Variants in PARD3B observed in about 807,000 individuals in gnomAD.
PARD3B encodes the protein par-3 family cell polarity regulator beta.
A neutral mutation model predicts 130.2 loss-of-function variants in PARD3B; 103 were observed. The observed-to-expected ratio is 0.79, with a 90% CI of 0.67 to 0.93. The LOEUF is 0.93. Ranked by LOEUF, PARD3B falls within the 40% of genes least tolerant of loss-of-function variation. The pLI, the probability that PARD3B is intolerant of heterozygous loss-of-function variation, is 0.00. For missense variants in PARD3B, 1,609 were observed against 1,499.2 expected (o/e 1.07, Z -1.21); for synonymous variants, 583 against 553.2 (o/e 1.05, Z -0.76).
chr2:204,553,096 A>G (rs1484980804), intron 1 of PARD3B, among the ~76,000 whole-genome samples: 2 of 152,220 alleles, frequency 1.3e-5, no homozygotes, highest in Admixed American at 6.5e-5. Flanking sequence ...AAGAGGGCCA[A>G]GGACATGAAT....
chr2:205,313,107 T>C (rs1411565107), intron 18 of PARD3B, among the ~76,000 whole-genome samples: 1 of 152,188 alleles, frequency 6.6e-6, no homozygotes, highest in Admixed American at 6.5e-5. Context: ...GGGCAAGTGA[T>C]ATAAAATGAT....
At chr2:205,062,561 A>C (rs1452955954) in intron 4 of PARD3B, among the ~76,000 whole-genome samples, 3 of 152,172 alleles carry the variant, frequency 2.0e-5, no homozygotes. Flanking sequence ...AAGTGCACTG[A>C]GGATGGAGAA....
intron 3 of PARD3B, among the ~76,000 whole-genome samples, chr2:205,028,922 C>A (rs1159794697): frequency 2.6e-5 from 4 of 152,082 alleles, no homozygotes; most frequent in Non-Finnish European, 5.9e-5. Flanking sequence ...AAAACAATTC[C>A]ATTTACAATA....
intron 2 of PARD3B, among the ~76,000 whole-genome samples, chr2:204,952,727 G>C (rs567220150): frequency 2.6e-5 from 4 of 152,178 alleles, no homozygotes; most frequent in Non-Finnish European, 5.9e-5. Flanking sequence ...GGTCAGGCGC[G>C]GTGGCTCACG....
Position 205,329,361 on chromosome 2 carries a change from T to G in PARD3B, c.2630+27660T>G, listed in dbSNP as rs1328225300. ...GCTCCTATTCAAGAGAGAACAGTTT[T>G]GGGGCAATATTCACCCACTCCTAAG... On this transcript the variant is annotated intron_variant, in intron 18 of 22. Transcript: ENST00000406610. Among the ~76,000 whole-genome samples the G allele has an allele frequency of 3.9e-5, 6 of 152,228 alleles. No individual in the cohort carries two copies. In the East Asian group the frequency reaches 1.2e-3, roughly 29 times the overall value.
intron 5 of PARD3B, among the ~76,000 whole-genome samples, chr2:205,106,525 GTGTGTA>G (rs1231962710): frequency 4.3e-5 from 5 of 116,460 alleles, no homozygotes; most frequent in African/African-American, 1.6e-4. Context: ...GTGTGTGTGT[GTGTGTA>G]TATTTGATTA....
At chr2:205,310,151 C>A (rs2042327735) in intron 18 of PARD3B, among the ~76,000 whole-genome samples, 1 of 141,470 alleles carries the variant, frequency 7.1e-6, no homozygotes, top group Non-Finnish European at 1.5e-5. Flanking sequence ...GTGGCGCGAT[C>A]TTGGCTCATT....
At chr2:205,141,460 AT>A (rs2032945119) in intron 10 of PARD3B, among the ~76,000 whole-genome samples, 1 of 152,130 alleles carries the variant, frequency 6.6e-6, no homozygotes, top group African/African-American at 2.4e-5. Context: ...TTTTGGTTTA[AT>A]TTGAACAGGG....
At chr2:205,499,798 C>T (rs1204545767) in intron 20 of PARD3B, 98 bp from the exon 21 acceptor site, 1 of 1,275,536 alleles carries the variant, frequency 7.8e-7, no homozygotes, top group Non-Finnish European at 1.1e-6. Flanking sequence ...ATTGAATCTT[C>T]CAAATTTAGA....
At chr2:205,035,286 G>T (rs1697736438) in intron 3 of PARD3B, among the ~76,000 whole-genome samples, 1 of 152,084 alleles carries the variant, frequency 6.6e-6, no homozygotes. Flanking sequence ...AATAACATTT[G>T]GGACATATAA....
intron 18 of PARD3B, among the ~76,000 whole-genome samples, chr2:205,319,048 C>T (rs562947667): frequency 3.4e-4 from 52 of 152,270 alleles, no homozygotes; most frequent in African/African-American, 1.1e-3. Context: ...CATATATGGC[C>T]TCATTTTCAG....
intron 2 of PARD3B, among the ~76,000 whole-genome samples, chr2:204,711,575 T>C (rs1229959923): frequency 6.6e-6 from 1 of 152,120 alleles, no homozygotes; most frequent in East Asian, 1.9e-4. Flanking sequence ...AGACAGAGTC[T>C]TGCTCTGTCA....
At chr2:205,346,480 G>T (rs2043794892) in intron 18 of PARD3B, among the ~76,000 whole-genome samples, 1 of 152,118 alleles carries the variant, frequency 6.6e-6, no homozygotes, top group Non-Finnish European at 1.5e-5. Context: ...TCAAAATTGG[G>T]ACAATCAAAG....
intron 1 of PARD3B, among the ~76,000 whole-genome samples, chr2:204,569,472 A>G (rs913231113): frequency 2.6e-5 from 4 of 152,232 alleles, no homozygotes; most frequent in African/African-American, 7.2e-5. Context: ...CAAATAGGTG[A>G]CAGATATCCA....
chr2:204,553,427 A>G (rs781521306), intron 1 of PARD3B, among the ~76,000 whole-genome samples: 29 of 151,570 alleles, frequency 1.9e-4, no homozygotes, highest in Non-Finnish European at 3.7e-4. Flanking sequence ...ATAAGTCATT[A>G]TATGAAAAAG....
intron 3 of PARD3B, among the ~76,000 whole-genome samples, chr2:205,032,659 G>A (rs570731633): frequency 6.6e-6 from 1 of 152,254 alleles, no homozygotes; most frequent in South Asian, 2.1e-4. Context: ...GTGTTATTAA[G>A]CAGAAACAGA....
rs150053576 is a variant in PARD3B at position 204,786,916 on chromosome 2, G to T, written c.222+100634G>T. Among the ~76,000 whole-genome samples the T allele has an allele frequency of 3.4e-3, 520 of 152,002 alleles. 7 individuals are homozygous for T. Among genetic ancestry groups the T allele is most frequent in the African/African-American group, 0.012 (503 of 41,436 alleles). ...CAATAAAACTAAAAAGCATTTGCCA[G>T]TCGTACACTCTGGAATAATCGTGAC... is the stretch of plus-strand genomic sequence containing the variant. On this transcript the variant is annotated intron_variant, in intron 2 of 22. Coordinates refer to ENST00000406610, the MANE Select transcript of PARD3B (RefSeq NM_001302769.2).
chr2:204,915,598 A>G (rs2047413194), intron 2 of PARD3B, among the ~76,000 whole-genome samples: 1 of 152,154 alleles, frequency 6.6e-6, no homozygotes, highest in Non-Finnish European at 1.5e-5. Context: ...AACTACTTTC[A>G]CCATGGAAAA....
Position 205,158,833 on chromosome 2 carries a change from A to G in PARD3B, c.1546A>G (p.Asn516Asp), listed in dbSNP as rs779394765. The change falls in exon 11 of 23, where the codon AAC (asparagine) becomes GAC (aspartate). Residue 516 changes from asparagine (N) to aspartate (D), a missense_variant. By Grantham distance (23) the Asn-to-Asp change is conservative (BLOSUM62 1). Coordinates refer to ENST00000406610, the MANE Select transcript of PARD3B (RefSeq NM_001302769.2). The surrounding 1 kb of genome is among the most constrained non-coding windows in gnomAD (Gnocchi z 5.4). Reference protein sequence around the residue: ...SAGLGVSLKGNKSRETGTDLG... With the variant: ...SAGLGVSLKGDKSRETGTDLG... The stretch of plus-strand genomic sequence containing the variant: ...TGGCCTCGGGGTGAGCTTAAAAGGG[A>G]ACAAATCCAGAGAAACTGGAACAGA... 1 of 1,614,158 alleles carries G rather than the reference A, an allele frequency of 6.2e-7. No individual in the cohort carries two copies. Among genetic ancestry groups the G allele is most frequent in the East Asian group, 2.2e-5 (1 of 44,886 alleles).
Sources: allele counts gnomAD v4.1 joint callset (sites outside exome capture counted in the v4.1 genomes callset), GRCh38; gene constraint gnomAD v4.1.1; non-coding constraint Gnocchi (gnomAD v3.1); transcripts MANE v1.5; gene names NCBI Gene and HGNC (gene_info 2026-07-23, HGNC 2026-07-21).